The following SELENOI variants were observed in gnomAD, a reference collection of about 807,000 sequenced individuals.
The protein encoded by SELENOI is ethanolaminephosphotransferase 1.
Under a neutral mutation model 50.7 loss-of-function variants are expected in SELENOI, and 24 were observed. That is an observed-to-expected ratio of 0.47 (90% CI 0.34 to 0.67). SELENOI has a LOEUF of 0.67. SELENOI is among the 30% of genes least tolerant of loss of function. SELENOI has a pLI of 0.01. For synonymous variants in SELENOI, 155 were observed against 170.2 expected (o/e 0.91, Z 0.70); for missense variants, 352 against 461.4 (o/e 0.76, Z 2.17).
At chr2:26,364,078 CTTTTTTTTTTT>C (rs59396679) in intron 1 of SELENOI, among the ~76,000 whole-genome samples, 2 of 114,932 alleles carry the variant, frequency 1.7e-5, no homozygotes, top group Admixed American at 1.8e-4. Context: ...CTTTCTCCCC[CTTTTTTTTTTT>C]TTTTTTTTTT....
At chr2:26,373,808 G>A (rs1677508144) in intron 5 of SELENOI, among the ~76,000 whole-genome samples, 179 bp downstream of exon 5, 1 of 152,298 alleles carries the variant, frequency 6.6e-6, no homozygotes, top group Admixed American at 6.5e-5. Context: ...TAGTAAAGTA[G>A]AGAGAATATT....
intron 3 of SELENOI, among the ~76,000 whole-genome samples, chr2:26,366,566 A>G (rs899791888): frequency 6.6e-6 from 1 of 152,204 alleles, no homozygotes; most frequent in African/African-American, 2.4e-5. Context: ...GATACATTCA[A>G]GGTTACACTG....
chr2:26,380,256 CTTAGTT>C (rs1677657899), intron 6 of SELENOI, among the ~76,000 whole-genome samples: 1 of 152,106 alleles, frequency 6.6e-6, no homozygotes, highest in South Asian at 2.1e-4. Context: ...GGTAACCATT[CTTAGTT>C]TTTAATTTTA....
At position 26,374,011 on chromosome 2, in the gene SELENOI, C is replaced by T. The variant is rs146187068; in HGVS notation, c.573+382C>T. On this transcript the variant is annotated intron_variant, in intron 5 of 9. Coordinates refer to ENST00000260585, the MANE Select transcript of SELENOI (RefSeq NM_033505.4). Reference sequence around the variant, plus strand: ...AAGTGATCTTCCTGCCTTGGCTTCCCGAAGTGTTAGGATTACAGGCATGAG... The same window carrying T: ...AAGTGATCTTCCTGCCTTGGCTTCCTGAAGTGTTAGGATTACAGGCATGAG... 1.5e-4 allele frequency among the ~76,000 whole-genome samples: 23 copies of T among 152,126 alleles called. No individual in the cohort carries two copies. In the East Asian group the frequency reaches 3.5e-3, roughly 23 times the overall value.
intron 1 of SELENOI, among the ~76,000 whole-genome samples, chr2:26,363,497 A>C (rs897669267): frequency 1.3e-5 from 2 of 152,134 alleles, no homozygotes; most frequent in African/African-American, 4.8e-5. Context: ...AAGCAATAAA[A>C]ATTTCTCTAC....
At chr2:26,370,877 G>A (rs1485054985) in intron 4 of SELENOI, among the ~76,000 whole-genome samples, 2 of 132,048 alleles carry the variant, frequency 1.5e-5, no homozygotes, top group Admixed American at 7.2e-5. Context: ...GCCAGGCGGG[G>A]GGCTGACACC....
In SELENOI at chr2:26,355,536, A is replaced by G. The variant is rs76738255; in HGVS notation, c.58-8766A>G. ...TTGCCATATCTTCTCATCTTGTTAG[A>G]GCTTACTTAAAGTCTAGCAAGCAAA... is the stretch of plus-strand genomic sequence containing the variant. On this transcript the variant is annotated intron_variant, in intron 1 of 9. Coordinates refer to ENST00000260585, the MANE Select transcript of SELENOI (RefSeq NM_033505.4). 9.6e-3 allele frequency among the ~76,000 whole-genome samples: 1,464 copies of G among 152,246 alleles called. 28 individuals are homozygous for G. The highest frequency in any genetic ancestry group is 0.033 in the African/African-American group (1,382 of 41,532).
Position 26,352,769 on chromosome 2 carries a change from G to A in SELENOI, c.57+6480G>A, listed in dbSNP as rs1281695066. Reference sequence around the variant, plus strand: ...ACTGCACTCCAGCATGGGAGACAGAGCGAGACTTCATCTCAATAATAATAA... The same window carrying A: ...ACTGCACTCCAGCATGGGAGACAGAACGAGACTTCATCTCAATAATAATAA... On this transcript the variant is annotated intron_variant, in intron 1 of 9. Coordinates refer to ENST00000260585, the MANE Select transcript of SELENOI (RefSeq NM_033505.4). Among the ~76,000 whole-genome samples the A allele has an allele frequency of 2.6e-5, 4 of 151,254 alleles. No homozygotes were observed. In the East Asian group the frequency reaches 7.8e-4, roughly 29 times the overall value.
Position 26,346,160 on chromosome 2 carries a change from G to T in SELENOI, c.-73G>T. 1 of 1,610,212 alleles carries T rather than the reference G, an allele frequency of 6.2e-7. No homozygotes were observed. Among genetic ancestry groups the T allele is most frequent in the Non-Finnish European group, 8.5e-7 (1 of 1,178,308 alleles). ...CAGTCTTTGCCATCCTTGCCCAGCC[G>T]GTGTGGTGCTTGTGTGTCACAGCCT... On this transcript the variant is annotated 5_prime_UTR_variant, in exon 1 of 10. Transcript: ENST00000260585.
In SELENOI at chr2:26,366,082, T is replaced by C. The variant is rs547111415; in HGVS notation, c.236-1064T>C. Among the ~76,000 whole-genome samples, 16 of 152,290 alleles carry C rather than the reference T, an allele frequency of 1.1e-4. No individual in the cohort carries two copies. In the South Asian group the frequency reaches 2.9e-3, roughly 28 times the overall value. On this transcript the variant is annotated intron_variant, in intron 3 of 9. Coordinates refer to ENST00000260585, the MANE Select transcript of SELENOI (RefSeq NM_033505.4). ...TCCCAAAGTGCTGGGATTACAGGTG[T>C]GAGCCACTGCACCTGGCCAAGACTT...
chr2:26,374,749 G>A (rs34620528), intron 5 of SELENOI, among the ~76,000 whole-genome samples: 60,025 of 151,684 alleles, frequency 0.4, 13,331 homozygotes, highest in Non-Finnish European at 0.51. Flanking sequence ...TGTATTTTTA[G>A]TAGAGATGGG....
chr2:26,370,269 GACACGGCA>G (rs1434146017), intron 4 of SELENOI, among the ~76,000 whole-genome samples: 1 of 151,824 alleles, frequency 6.6e-6, no homozygotes, highest in Admixed American at 6.5e-5. Context: ...TTTCTACACA[GACACGGCA>G]ACCATCCGAT....
chr2:26,349,669 G>GT (rs1676910150), intron 1 of SELENOI, among the ~76,000 whole-genome samples: 4 of 63,838 alleles, frequency 6.3e-5, no homozygotes, highest in East Asian at 7.4e-4. Flanking sequence ...ACTGCAAGTT[G>GT]GTTTTTTTTT....
At position 26,392,986 on chromosome 2, in the gene SELENOI, A is replaced by C. The variant is rs1276761647; in HGVS notation, c.*3883A>C. On this transcript the variant is annotated 3_prime_UTR_variant, in exon 10 of 10. Transcript: ENST00000260585. ...GAAGCACTCTGACATGTACATTTAAAGTGACAGTTTTAAAAGTAAAATGGT... is the reference window on the plus strand; with the variant it reads ...GAAGCACTCTGACATGTACATTTAACGTGACAGTTTTAAAAGTAAAATGGT... 6.6e-6 allele frequency: 1 copy of C among 152,572 alleles called. No homozygotes were observed. Among genetic ancestry groups the C allele is most frequent in the Non-Finnish European group, 1.5e-5 (1 of 68,054 alleles). 9.5% of individuals were successfully genotyped at this position (152,572 alleles called of 1,614,324 possible).
intron 4 of SELENOI, among the ~76,000 whole-genome samples, chr2:26,371,374 C>T (rs1032389852): frequency 1.3e-5 from 2 of 149,332 alleles, no homozygotes; most frequent in Non-Finnish European, 3.0e-5. Context: ...ACATCCCAGA[C>T]GATGGGCAGC....
chr2:26,348,996 C>CTTTTTTTTTTTTTTTTTTTTTTT (rs869073468), intron 1 of SELENOI, among the ~76,000 whole-genome samples: 2 of 57,690 alleles, frequency 3.5e-5, no homozygotes, highest in African/African-American at 4.8e-5. Context: ...TTTGGACAGG[C>CTTTTTTTTTTTTTTTTTTTTTTT]TTTTTTTTTT....
At chr2:26,380,865 C>T (rs1003649234) in intron 6 of SELENOI, among the ~76,000 whole-genome samples, 2 of 152,094 alleles carry the variant, frequency 1.3e-5, no homozygotes, top group Admixed American at 6.5e-5. Flanking sequence ...ATTTGCCTTT[C>T]TCTTACTATG....
At chr2:26,381,185 C>T (rs866818195) in intron 6 of SELENOI, among the ~76,000 whole-genome samples, 71 of 84,682 alleles carry the variant, frequency 8.4e-4, no homozygotes, top group Admixed American at 2.5e-3. Flanking sequence ...GATTGTATCT[C>T]CTTCAGTTTG....
intron 1 of SELENOI, among the ~76,000 whole-genome samples, chr2:26,350,683 A>G (rs920119037): frequency 7.2e-5 from 11 of 152,220 alleles, no homozygotes; most frequent in African/African-American, 1.7e-4. Context: ...TAAAAAGTTA[A>G]TAAGTCCAGT....
Sources: gnomAD v4.1 joint callset for allele counts (sites outside exome capture counted in the v4.1 genomes callset) on GRCh38, gnomAD v4.1.1 for gene constraint, MANE v1.5 for transcripts, NCBI Gene and HGNC (gene_info 2026-07-23, HGNC 2026-07-21) for gene names.